ARHGAP32: variants seen among roughly 807,000 people sequenced by gnomAD.
ARHGAP32 encodes the protein Rho GTPase activating protein 32.
A neutral mutation model predicts 186.5 loss-of-function variants in ARHGAP32; 51 were observed. The ratio of observed to expected loss-of-function variants is 0.27; its 90% confidence interval spans 0.22 to 0.35. The LOEUF (loss-of-function observed/expected upper bound fraction) is 0.35, where lower values mean the gene tolerates loss of function less well. Ranked by LOEUF, ARHGAP32 falls within the 10% of genes least tolerant of loss-of-function variation. The pLI, the probability that ARHGAP32 is intolerant of heterozygous loss-of-function variation, is 1.00. For synonymous variants in ARHGAP32, 950 were observed against 964.3 expected, an observed-to-expected ratio of 0.99 and a Z score of 0.27; for missense variants, 2,186 against 2,623.5, an observed-to-expected ratio of 0.83 and a Z score of 3.64.
In ARHGAP32 at chr11:128,970,003, T is replaced by C; in HGVS notation, c.5210A>G (p.Asp1737Gly). Reference sequence around the variant, plus strand: ...CGGAGGCATGCTGACTACATTATGGTCGTTGGGAGAGAAATAGCCAGTCAC... The same window carrying C: ...CGGAGGCATGCTGACTACATTATGGCCGTTGGGAGAGAAATAGCCAGTCAC... ...ANVTGYFSPN[D>G]HNVVSMPPAA... Residue 1737 changes from aspartate to glycine, a missense_variant, in exon 23 of 23, where the codon GAC (aspartate) becomes GGC (glycine). Asp to Gly is a moderately conservative substitution (Grantham distance 94, BLOSUM62 -1). Transcript: ENST00000682385. This position sits in a 1 kb window ranked among gnomAD's most constrained non-coding sequence, Gnocchi z 5.8. The C allele has an allele frequency of 6.2e-7, 1 of 1,614,106 alleles. No homozygotes were observed.
At chr11:128,981,322 AC>A (rs1945700339) in intron 17 of ARHGAP32, 93 bp downstream of exon 17, 2 of 1,346,302 alleles carry the variant, frequency 1.5e-6, no homozygotes, top group Non-Finnish European at 2.0e-6. Context: ...TACCAGTGAC[AC>A]GTTTTTGTTG....
chr11:129,261,836 A>G (rs922031007), intron 1 of ARHGAP32, among the ~76,000 whole-genome samples: 1 of 152,234 alleles, frequency 6.6e-6, no homozygotes, highest in African/African-American at 2.4e-5. Context: ...AAAGGAAACC[A>G]AAACATATTA....
chr11:129,024,031 T>G, intron 11 of ARHGAP32: 1 of 985,468 alleles, frequency 1.0e-6, no homozygotes, highest in Non-Finnish European at 1.2e-6. Context: ...TCAAGTTAGG[T>G]CCCACATCAC....
chr11:129,161,471 C>A (rs1283736711), intron 2 of ARHGAP32, among the ~76,000 whole-genome samples: 12 of 150,758 alleles, frequency 8.0e-5, no homozygotes, highest in East Asian at 1.9e-4. Flanking sequence ...AAAAAAAAAA[C>A]CATCAAAAAG....
intron 1 of ARHGAP32, among the ~76,000 whole-genome samples, chr11:129,172,004 T>C (rs1850464265): frequency 6.6e-6 from 1 of 152,160 alleles, no homozygotes; most frequent in East Asian, 1.9e-4. Flanking sequence ...TGCTTGGGAT[T>C]TTTACACATT....
chr11:129,187,861 A>C (rs889431242), intron 1 of ARHGAP32, among the ~76,000 whole-genome samples: 1 of 152,180 alleles, frequency 6.6e-6, no homozygotes, highest in Non-Finnish European at 1.5e-5. Flanking sequence ...AAAGCCACAC[A>C]GTATAAAATG....
intron 1 of ARHGAP32, among the ~76,000 whole-genome samples, chr11:129,267,011 C>G (rs115264589): frequency 6.6e-6 from 1 of 152,162 alleles, no homozygotes; most frequent in Non-Finnish European, 1.5e-5. Flanking sequence ...TCCACAGACA[C>G]GCACATGCAA....
At chr11:129,245,590 A>G (rs1945081936) in intron 1 of ARHGAP32, among the ~76,000 whole-genome samples, 1 of 149,870 alleles carries the variant, frequency 6.7e-6, no homozygotes, top group African/African-American at 2.5e-5. Context: ...CCTAAAACTT[A>G]AAGTATAATA....
At chr11:129,042,009 T>A (rs145621575) in intron 10 of ARHGAP32, among the ~76,000 whole-genome samples, 1 of 152,260 alleles carries the variant, frequency 6.6e-6, no homozygotes, top group African/African-American at 2.4e-5. Flanking sequence ...ATAATTTCCA[T>A]CTGTGTGAAA....
intron 11 of ARHGAP32, among the ~76,000 whole-genome samples, chr11:129,028,249 G>A (rs990190574): frequency 6.6e-6 from 1 of 152,170 alleles, no homozygotes; most frequent in African/African-American, 2.4e-5. Flanking sequence ...ACTCAGGTGG[G>A]CTGAATGCAA....
At chr11:129,225,690 T>TCAA (rs935878102) in intron 1 of ARHGAP32, among the ~76,000 whole-genome samples, 13 of 152,070 alleles carry the variant, frequency 8.5e-5, no homozygotes, top group South Asian at 8.3e-4. Flanking sequence ...TGTCCAGTCT[T>TCAA]CAACAACAAC....
intron 10 of ARHGAP32, among the ~76,000 whole-genome samples, chr11:129,044,333 T>C (rs1565393189): frequency 6.6e-6 from 1 of 152,208 alleles, no homozygotes; most frequent in African/African-American, 2.4e-5. Flanking sequence ...CGGCAGCCTG[T>C]TTCGTACATT....
chr11:129,108,426 A>C (rs184122681), intron 5 of ARHGAP32, among the ~76,000 whole-genome samples: 99 of 152,342 alleles, frequency 6.5e-4, no homozygotes, highest in Middle Eastern at 6.8e-3. Context: ...ATTCATCAAG[A>C]ACATATAACA....
intron 6 of ARHGAP32, among the ~76,000 whole-genome samples, chr11:129,088,809 G>C (rs900109317): frequency 5.9e-5 from 9 of 152,128 alleles, no homozygotes; most frequent in Admixed American, 4.6e-4. Context: ...CTGGGAGGCA[G>C]AGGTAAGTGG....
intron 11 of ARHGAP32, among the ~76,000 whole-genome samples, chr11:129,011,176 T>C (rs1436843132): frequency 6.6e-6 from 1 of 152,224 alleles, no homozygotes; most frequent in Non-Finnish European, 1.5e-5. Context: ...TGCAAGTAAC[T>C]ACCTAAGTGT....
intron 6 of ARHGAP32, among the ~76,000 whole-genome samples, chr11:129,077,540 C>T (rs1941082790): frequency 6.6e-6 from 1 of 152,114 alleles, no homozygotes; most frequent in Non-Finnish European, 1.5e-5. Context: ...CCCAACTTCC[C>T]TAGCGACCTG....
intron 2 of ARHGAP32, among the ~76,000 whole-genome samples, chr11:129,134,593 T>C (rs761389848): frequency 6.6e-6 from 1 of 152,178 alleles, no homozygotes; most frequent in Non-Finnish European, 1.5e-5. Context: ...TATAATAGCA[T>C]TGAAGAAAAC....
At position 128,969,612 on chromosome 11, in the gene ARHGAP32, T is replaced by A; in HGVS notation, c.5601A>T (p.Pro1867=). The A allele has an allele frequency of 1.9e-6, 3 of 1,614,128 alleles. No individual in the cohort carries two copies. The South Asian group carries it at 3.3e-5, about 18-fold the overall frequency. The stretch of plus-strand genomic sequence containing the variant: ...GGCTGCTCTGCTTCTGAGGCAGGGA[T>A]GGCTTCTCCGGCTGCGTGCTACCAT... ...GGHGSTQPEK[P]SLPQKQSSLR... is the part of the protein sequence containing the mutation. The change falls in exon 23 of 23, where the codon CCA becomes CCT. Residue 1867 remains proline, a synonymous_variant. Transcript: ENST00000682385. This position sits in a 1 kb window ranked among gnomAD's most constrained non-coding sequence, Gnocchi z 4.8.
intron 1 of ARHGAP32, among the ~76,000 whole-genome samples, chr11:129,203,732 A>G (rs950890559): frequency 2.4e-4 from 36 of 148,966 alleles, no homozygotes; most frequent in Admixed American, 7.4e-4. Context: ...AAAAAAAAAA[A>G]AAAGAAAGAA....
Sources: gnomAD v4.1 joint callset for allele counts (sites outside exome capture counted in the v4.1 genomes callset) on GRCh38, gnomAD v4.1.1 for gene constraint, Gnocchi (gnomAD v3.1) non-coding constraint, MANE v1.5 for transcripts, NCBI Gene and HGNC (gene_info 2026-07-23, HGNC 2026-07-21) for gene names.